Variants in CDH18 observed in about 807,000 individuals in gnomAD.
CDH18 encodes the protein cadherin 18, also known as cadherin-18.
A neutral mutation model predicts 67.9 loss-of-function variants in CDH18; 31 were observed. The observed-to-expected ratio is 0.46, with a 90% CI of 0.34 to 0.62. CDH18 has a LOEUF of 0.62. Among genes scored for constraint, CDH18 ranks in the 20% least tolerant of loss-of-function variants. The pLI is 0.01. For missense variants in CDH18, 890 were observed against 975.5 expected (o/e 0.91, Z 1.17); for synonymous variants, 362 against 347.2 (o/e 1.04, Z -0.48).
At chr5:19,648,297 C>T (rs1755074986) in intron 5 of CDH18, among the ~76,000 whole-genome samples, 1 of 152,090 alleles carries the variant, frequency 6.6e-6, no homozygotes, top group South Asian at 2.1e-4. Context: ...CAGCTTTAAT[C>T]CCAGCTACTT....
chr5:20,397,653 C>T (rs1271142517), intron 1 of CDH18, among the ~76,000 whole-genome samples: 5 of 152,068 alleles, frequency 3.3e-5, no homozygotes, highest in African/African-American at 1.2e-4. Context: ...TACAAAGCCA[C>T]ATTTGTAACG....
At chr5:20,100,399 T>C (rs1029501630) in intron 2 of CDH18, among the ~76,000 whole-genome samples, 7 of 152,144 alleles carry the variant, frequency 4.6e-5, no homozygotes, top group African/African-American at 1.7e-4. Flanking sequence ...CCTAAATCAA[T>C]TTTGGGTCCC....
At chr5:20,547,389 C>T (rs1161161635) in intron 1 of CDH18, among the ~76,000 whole-genome samples, 3 of 151,736 alleles carry the variant, frequency 2.0e-5, no homozygotes, top group South Asian at 2.1e-4. Flanking sequence ...TGTGAAACCC[C>T]GTCTCTACTA....
At chr5:19,994,244 C>CATACACACAT (rs1800144379) in intron 2 of CDH18, among the ~76,000 whole-genome samples, 2 of 137,514 alleles carry the variant, frequency 1.5e-5, no homozygotes, top group Non-Finnish European at 3.0e-5. Context: ...TATACACACA[C>CATACACACAT]ATATACACAT....
chr5:19,786,792 TTTAG>T (rs1325467668), intron 3 of CDH18, among the ~76,000 whole-genome samples: 1 of 152,144 alleles, frequency 6.6e-6, no homozygotes, highest in Non-Finnish European at 1.5e-5. Flanking sequence ...AAAGCCATTC[TTTAG>T]TTCTTCTAAT....
chr5:20,573,338 T>C (rs1333840955), intron 1 of CDH18, among the ~76,000 whole-genome samples: 3 of 151,934 alleles, frequency 2.0e-5, no homozygotes, highest in Non-Finnish European at 4.4e-5. Flanking sequence ...CACACAATAC[T>C]ATTAGAATTA....
At chr5:20,137,054 T>G (rs780216006) in intron 2 of CDH18, among the ~76,000 whole-genome samples, 5 of 152,128 alleles carry the variant, frequency 3.3e-5, no homozygotes, top group Non-Finnish European at 7.3e-5. Context: ...CTGACAATTA[T>G]GTGTCTTGGA....
At chr5:20,348,532 A>C (rs780239300) in intron 1 of CDH18, among the ~76,000 whole-genome samples, 2 of 152,178 alleles carry the variant, frequency 1.3e-5, no homozygotes, top group Non-Finnish European at 2.9e-5. Context: ...TCTGACAAAG[A>C]TAGGAAAAAA....
chr5:20,476,614 A>G (rs1752461662), intron 1 of CDH18, among the ~76,000 whole-genome samples: 1 of 152,284 alleles, frequency 6.6e-6, no homozygotes, highest in African/African-American at 2.4e-5. Flanking sequence ...CATTATTTCA[A>G]TTAAGTTTTC....
At chr5:20,175,837 C>T (rs1737189357) in intron 2 of CDH18, among the ~76,000 whole-genome samples, 1 of 152,046 alleles carries the variant, frequency 6.6e-6, no homozygotes, top group Admixed American at 6.6e-5. Context: ...GGTGGGTCTG[C>T]CTTTCCCAGC....
chr5:19,983,465 G>C (rs944675157), intron 1 of CDH18, among the ~76,000 whole-genome samples: 2 of 152,096 alleles, frequency 1.3e-5, no homozygotes, highest in Non-Finnish European at 2.9e-5. Flanking sequence ...TATTCCATGT[G>C]TTTTGAGTAA....
chr5:20,111,525 C>T lies in CDH18; in HGVS notation c.-517-119511G>A, dbSNP rs56838698. On this transcript the variant is annotated intron_variant, in intron 2 of 14. Transcript: ENST00000507958. ...TCCTTCCTTCCCTCCCTCCCTCCCT[C>T]CCTTCCTTCCTTCCTTCTTTCTTTT... Among the ~76,000 whole-genome samples, 214 of 122,398 alleles carry T rather than the reference C, an allele frequency of 1.7e-3. 2 individuals are homozygous for T. Among genetic ancestry groups the T allele is most frequent in the African/African-American group, 6.2e-3 (198 of 31,744 alleles). The allele number at this position is 122,398 out of a possible 152,430, so 80.3% of individuals were successfully genotyped here.
At chr5:19,957,030 T>C (rs1200314832) in intron 2 of CDH18, among the ~76,000 whole-genome samples, 1 of 151,980 alleles carries the variant, frequency 6.6e-6, no homozygotes, top group Non-Finnish European at 1.5e-5. Flanking sequence ...ATTTCTGCCC[T>C]GGTAGGTGTT....
chr5:20,291,251 A>G (rs1321471687), intron 1 of CDH18, among the ~76,000 whole-genome samples: 1 of 152,172 alleles, frequency 6.6e-6, no homozygotes, highest in East Asian at 1.9e-4. Context: ...ATTGAGATCT[A>G]TTAGCAAATA....
At chr5:19,634,477 T>C (rs1752832765) in intron 5 of CDH18, among the ~76,000 whole-genome samples, 1 of 152,182 alleles carries the variant, frequency 6.6e-6, no homozygotes, top group Non-Finnish European at 1.5e-5. Context: ...AAGGCTATTA[T>C]AAAGATTAAA....
At chr5:19,964,057 G>A in intron 2 of CDH18, among the ~76,000 whole-genome samples, 1 of 151,882 alleles carries the variant, frequency 6.6e-6, no homozygotes, top group East Asian at 1.9e-4. Flanking sequence ...ATTTAAGATG[G>A]GATTTGAGTG....
At chr5:20,227,107 T>C (rs1168291179) in intron 2 of CDH18, among the ~76,000 whole-genome samples, 2 of 152,106 alleles carry the variant, frequency 1.3e-5, no homozygotes, top group Non-Finnish European at 2.9e-5. Flanking sequence ...ACCCTACCAT[T>C]GCCAGTAACA....
chr5:20,305,229 T>A, intron 1 of CDH18: 4 of 1,380,914 alleles, frequency 2.9e-6, no homozygotes, highest in Non-Finnish European at 4.1e-6. Context: ...CACTACCAAA[T>A]CCAGGAAACC....
chr5:20,435,260 G>T (rs966891271), intron 1 of CDH18, among the ~76,000 whole-genome samples: 2 of 151,964 alleles, frequency 1.3e-5, no homozygotes, highest in Admixed American at 6.6e-5. Flanking sequence ...TCATTCAACT[G>T]TTCTGGGACA....
Sources: gnomAD v4.1 joint callset for allele counts (sites outside exome capture counted in the v4.1 genomes callset) on GRCh38, gnomAD v4.1.1 for gene constraint, MANE v1.5 for transcripts, NCBI Gene and HGNC (gene_info 2026-07-23, HGNC 2026-07-21) for gene names.